Variants in ANXA10 observed in about 807,000 individuals in gnomAD.
ANXA10 encodes annexin A10.
In ANXA10, 49 loss-of-function variants were observed where a neutral mutation model predicts 53.5. That is an observed-to-expected ratio of 0.92 (90% confidence interval 0.73 to 1.16). The LOEUF is 1.16. Among genes scored for constraint, ANXA10 ranks in the 50% most tolerant of loss-of-function variants. ANXA10 has a pLI of 0.00. For missense variants in ANXA10, 393 were observed against 394.4 expected, an observed-to-expected ratio of 1.00 and a Z score of 0.03; for synonymous variants, 131 against 128.9, an observed-to-expected ratio of 1.02 and a Z score of -0.11.
At chr4:168,140,456 A>G (rs1375217980) in intron 3 of ANXA10, among the ~76,000 whole-genome samples, 1 of 152,232 alleles carries the variant, frequency 6.6e-6, no homozygotes, top group Non-Finnish European at 1.5e-5. Flanking sequence ...AAGCCAAAGT[A>G]GAAGACCAGT....
At chr4:168,098,592 A>T (rs144034781) in intron 1 of ANXA10, among the ~76,000 whole-genome samples, 66 of 137,966 alleles carry the variant, frequency 4.8e-4, no homozygotes, top group African/African-American at 1.6e-3. Context: ...TCTTCTAAAT[A>T]GTCTCCAGCT....
intron 1 of ANXA10, among the ~76,000 whole-genome samples, chr4:168,098,089 AT>A (rs1243454850): frequency 6.6e-6 from 1 of 151,386 alleles, no homozygotes; most frequent in Non-Finnish European, 1.5e-5. Context: ...TTAAATAAGT[AT>A]TACTTTAAAT....
Position 168,154,048 on chromosome 4 carries a change from C to G in ANXA10, c.196-8480C>G, listed in dbSNP as rs534227397. 9.2e-4 allele frequency among the ~76,000 whole-genome samples: 139 copies of G among 151,794 alleles called. 1 individual carries two copies. Among genetic ancestry groups the G allele is most frequent in the Middle Eastern group, 3.4e-3 (1 of 292 alleles). ...TGCCTCTGAGTTGAAAACAAAGATA[C>G]AAGCGCCATCTACTGGCACTACTAA... On this transcript the variant is annotated intron_variant, in intron 3 of 11. Coordinates refer to ENST00000359299, the MANE Select transcript of ANXA10 (RefSeq NM_007193.5).
chr4:168,140,898 G>A (rs2149472358), intron 3 of ANXA10, among the ~76,000 whole-genome samples: 1 of 152,318 alleles, frequency 6.6e-6, no homozygotes, highest in Admixed American at 6.5e-5. Flanking sequence ...GGGATTACAG[G>A]CGTGAGCCAC....
At chr4:168,182,211 A>G (rs922378664) in intron 10 of ANXA10, among the ~76,000 whole-genome samples, 2 of 152,034 alleles carry the variant, frequency 1.3e-5, no homozygotes, top group African/African-American at 4.8e-5. Context: ...AAAAGTATTT[A>G]AAGTGATAAC....
chr4:168,103,972 G>C (rs978125983), intron 1 of ANXA10, among the ~76,000 whole-genome samples: 2 of 151,904 alleles, frequency 1.3e-5, no homozygotes, highest in Non-Finnish European at 2.9e-5. Context: ...GTCTAGAGCA[G>C]ACTGGGGCGC....
intron 9 of ANXA10, 96 bp downstream of exon 9, chr4:168,179,408 G>A: frequency 1.2e-6 from 1 of 818,730 alleles, no homozygotes; most frequent in South Asian, 1.7e-5. Context: ...GTAAGCTCTT[G>A]ATCGAGTCAT....
chr4:168,183,528 T>C (rs1732302149), intron 10 of ANXA10, among the ~76,000 whole-genome samples: 1 of 152,246 alleles, frequency 6.6e-6, no homozygotes, highest in Admixed American at 6.5e-5. Context: ...TATGCACAAA[T>C]TCAAGGCTAC....
At chr4:168,161,553 T>C (rs1450445144) in intron 3 of ANXA10, among the ~76,000 whole-genome samples, 1 of 152,188 alleles carries the variant, frequency 6.6e-6, no homozygotes, top group Non-Finnish European at 1.5e-5. Flanking sequence ...GCTCTTTTTT[T>C]GGTTCCATAT....
rs191143423 is a variant in ANXA10, at chr4:168,173,763, T to C, written c.481-3977T>C. The stretch of plus-strand genomic sequence containing the variant: ...ATCCACAGACCGGATTGGGAACCCC[T>C]CTTCCCATGTGAGGTGCTTTCCTCT... On this transcript the variant is annotated intron_variant, in intron 6 of 11. Transcript: ENST00000359299. Among the ~76,000 whole-genome samples, 416 of 152,290 alleles carry C rather than the reference T, an allele frequency of 2.7e-3. 1 individual carries two copies. Among genetic ancestry groups the C allele is most frequent in the Middle Eastern group, 0.01 (3 of 294 alleles).
chr4:168,116,679 T>C (rs1224567321), intron 1 of ANXA10, among the ~76,000 whole-genome samples: 2 of 152,160 alleles, frequency 1.3e-5, no homozygotes, highest in Non-Finnish European at 2.9e-5. Flanking sequence ...CCAATTAATA[T>C]GCAATTTGTT....
chr4:168,167,162 C>G (rs1042022108), intron 6 of ANXA10, among the ~76,000 whole-genome samples: 1 of 152,158 alleles, frequency 6.6e-6, no homozygotes, highest in Non-Finnish European at 1.5e-5. Flanking sequence ...AAGTCCTCCC[C>G]TGTCCTTTAT....
intron 6 of ANXA10, 63 bp downstream of exon 6, chr4:168,165,389 C>CAAAAAAAAAAAAAAAAAAAAAAAAAA (rs33925175): frequency 2.6e-6 from 1 of 378,318 alleles, no homozygotes; most frequent in Non-Finnish European, 4.2e-6. Context: ...ATGTCATTGC[C>CAAAAAAAAAAAAAAAAAAAAAAAAAA]AAAAAAAAAA....
intron 9 of ANXA10, among the ~76,000 whole-genome samples, chr4:168,179,939 G>C (rs910069544): frequency 6.6e-6 from 1 of 152,140 alleles, no homozygotes; most frequent in Non-Finnish European, 1.5e-5. Context: ...GTACTGTGCT[G>C]GTGAATTGAC....
At chr4:168,131,110 T>C (rs1731150565) in intron 2 of ANXA10, among the ~76,000 whole-genome samples, 1 of 151,980 alleles carries the variant, frequency 6.6e-6, no homozygotes, top group South Asian at 2.1e-4. Flanking sequence ...TCTTTTTGTT[T>C]CTCTATATGC....
At chr4:168,115,566 A>G (rs555147676) in intron 1 of ANXA10, among the ~76,000 whole-genome samples, 99 of 151,846 alleles carry the variant, frequency 6.5e-4, no homozygotes, top group East Asian at 2.9e-3. Flanking sequence ...AACTGACGTA[A>G]AAATAAGAGC....
In ANXA10 at chr4:168,184,588, C is replaced by T. The variant is rs1732326496; in HGVS notation, c.813C>T (p.Ile271=). 6.2e-7 allele frequency: 1 copy of T among 1,613,960 alleles called. No homozygotes were observed. The highest frequency in any genetic ancestry group is 8.5e-7 in the Non-Finnish European group (1 of 1,179,904). ...HDFGFHNKTV[I]RILIARSEID... ...TTGGTTTCCATAATAAAACTGTAAT[C>T]AGGATTCTCATTGCCAGAAGTGAAA... Residue 271 remains isoleucine (I), a synonymous_variant, in exon 11 of 12, where the codon ATC becomes ATT. Coordinates refer to ENST00000359299, the MANE Select transcript of ANXA10 (RefSeq NM_007193.5).
chr4:168,171,480 GT>G (rs1731986109), intron 6 of ANXA10, among the ~76,000 whole-genome samples: 1 of 151,998 alleles, frequency 6.6e-6, no homozygotes, highest in African/African-American at 2.4e-5. Flanking sequence ...ATGACCCATG[GT>G]TTTCATATTT....
intron 2 of ANXA10, among the ~76,000 whole-genome samples, chr4:168,128,782 C>G (rs17515174): frequency 0.011 from 1,610 of 152,088 alleles, 9 homozygotes; most frequent in Non-Finnish European, 0.017. Flanking sequence ...CTCCCCTAAT[C>G]TCATTTGCAC....
Sources: allele counts gnomAD v4.1 joint callset (sites outside exome capture counted in the v4.1 genomes callset), GRCh38; gene constraint gnomAD v4.1.1; transcripts MANE v1.5; gene names NCBI Gene and HGNC (gene_info 2026-07-23, HGNC 2026-07-21).